LIMCH1: variants seen among roughly 807,000 people sequenced by gnomAD.
LIMCH1 encodes LIM and calponin homology domains 1.
LIMCH1 carries 113 observed loss-of-function variants against 176.5 expected under a neutral mutation model. That is an observed-to-expected ratio of 0.64 (90% CI 0.55 to 0.75). LIMCH1 has a LOEUF of 0.75. LIMCH1 is among the 30% of genes least tolerant of loss of function. The pLI, the probability that LIMCH1 is intolerant of heterozygous loss-of-function variation, is 0.00. For missense variants in LIMCH1, 1,674 were observed against 1,814.9 expected, an observed-to-expected ratio of 0.92 and a Z score of 1.41; for synonymous variants, 619 against 645.9, an observed-to-expected ratio of 0.96 and a Z score of 0.63.
At chr4:41,406,545 A>G (rs560608037) in intron 1 of LIMCH1, among the ~76,000 whole-genome samples, 1 of 152,282 alleles carries the variant, frequency 6.6e-6, no homozygotes, top group East Asian at 1.9e-4. Flanking sequence ...GATGATAGCT[A>G]TTATTAATTG....
At chr4:41,634,904 C>CT (rs1350877973) in intron 13 of LIMCH1, among the ~76,000 whole-genome samples, 2 of 152,226 alleles carry the variant, frequency 1.3e-5, no homozygotes, top group Non-Finnish European at 2.9e-5. Context: ...CAGTTACTCA[C>CT]TTTCCAGATG....
intron 1 of LIMCH1, among the ~76,000 whole-genome samples, chr4:41,597,608 T>C (rs930586982): frequency 2.0e-5 from 3 of 152,190 alleles, no homozygotes; most frequent in Non-Finnish European, 4.4e-5. Context: ...TATCTGAACA[T>C]CTTCCAAGCT....
At chr4:41,384,117 G>A (rs968103923) in intron 1 of LIMCH1, among the ~76,000 whole-genome samples, 2 of 152,174 alleles carry the variant, frequency 1.3e-5, no homozygotes, top group African/African-American at 4.8e-5. Context: ...CAGTAGAATG[G>A]TGGGGCAGAA....
chr4:41,650,469 C>T lies in LIMCH1; in HGVS notation c.2897C>T (p.Ala966Val). ...AAGGAAAGAGAGTGTCCCACGGTGG[C>T]ACCTGCCCACTCCTTAACCAAATCC... ...EEKERECPTV[A>V]PAHSLTKSQM... Residue 966 changes from alanine to valine, a missense_variant, in exon 18 of 32, where the codon GCA becomes GTA. This residue lies in a region of LIMCH1 where 1,015 missense variants were observed against 1,102.5 expected (regional missense o/e 0.92). Transcript: ENST00000503057. 1 of 1,614,060 alleles carries T rather than the reference C, an allele frequency of 6.2e-7. No homozygotes were observed. The highest frequency in any genetic ancestry group is 8.5e-7 in the Non-Finnish European group (1 of 1,179,972).
chr4:41,683,469 C>A (rs1257250213), intron 26 of LIMCH1, among the ~76,000 whole-genome samples: 1 of 152,174 alleles, frequency 6.6e-6, no homozygotes, highest in East Asian at 1.9e-4. Context: ...CCAACATGTT[C>A]TTCATGAGAA....
intron 1 of LIMCH1, among the ~76,000 whole-genome samples, chr4:41,449,106 C>T (rs1382374114): frequency 6.6e-6 from 1 of 152,016 alleles, no homozygotes; most frequent in Non-Finnish European, 1.5e-5. Context: ...CTTCAGTTAG[C>T]GTATACAGGC....
At chr4:41,365,175 G>A (rs1156846656) in intron 1 of LIMCH1, among the ~76,000 whole-genome samples, 2 of 152,204 alleles carry the variant, frequency 1.3e-5, no homozygotes, top group African/African-American at 2.4e-5. Context: ...GAAGTTCCTG[G>A]ACTCCTTTAC....
At chr4:41,547,863 G>GTATATA (rs573342962) in intron 1 of LIMCH1, among the ~76,000 whole-genome samples, 4,269 of 92,990 alleles carry the variant, frequency 0.046, 141 homozygotes, top group East Asian at 0.14. Context: ...TTGTGTGTGT[G>GTATATA]TATATATATA....
chr4:41,698,297 C>T lies in LIMCH1; in HGVS notation c.*1112C>T, dbSNP rs922474434. On this transcript the variant is annotated 3_prime_UTR_variant, in exon 32 of 32. Coordinates refer to ENST00000503057, the MANE Select transcript of LIMCH1 (RefSeq NM_001330672.2). ...TACAGCACAGATTATGCCCTGCCCA[C>T]TTCAATGAATACCTACTCTCCTCCA... 1 of 152,270 alleles carries T rather than the reference C, an allele frequency of 6.6e-6. No individual in the cohort carries two copies. Among genetic ancestry groups the T allele is most frequent in the South Asian group, 2.1e-4 (1 of 4,828 alleles). The allele number at this position is 152,270 out of a possible 1,614,324, so 9.4% of individuals were successfully genotyped here. A position where few individuals can be genotyped will look rare whatever the true frequency, so the allele number is the denominator to read the frequency against.
At position 41,620,571 on chromosome 4, in the gene LIMCH1, C is replaced by T. The variant is rs542886410; in HGVS notation, c.606C>T (p.Asp202=). 1.7e-5 allele frequency: 26 copies of T among 1,536,268 alleles called. No individual in the cohort carries two copies. Among genetic ancestry groups the T allele is most frequent in the South Asian group, 1.1e-4 (9 of 84,054 alleles). The change falls in exon 7 of 32, where the codon GAC becomes GAT. Residue 202 remains aspartate (D), a synonymous_variant. Transcript: ENST00000503057. ...GTGGTAAGGAGCACCCTTCTTCAGA[C>T]GGGGCTGTGGTGGCACCAGCTCCCA... ...DGSGKEHPSS[D]GAVVAPAPKS... is the part of the protein sequence containing the mutation.
chr4:41,524,533 G>A (rs1451669404), intron 3 of LIMCH1: 37 of 1,252,028 alleles, frequency 3.0e-5, no homozygotes, highest in Non-Finnish European at 4.0e-5. Context: ...CTAACCTAGG[G>A]GTCATGACAG....
intron 1 of LIMCH1, among the ~76,000 whole-genome samples, chr4:41,383,663 T>G (rs1015194865): frequency 3.3e-5 from 5 of 152,170 alleles, no homozygotes; most frequent in African/African-American, 1.2e-4. Flanking sequence ...TGGGCCCCAC[T>G]CCAAGCTTGT....
At chr4:41,689,770 T>C (rs563798946) in intron 30 of LIMCH1, 135 bp downstream of exon 30, 13 of 576,840 alleles carry the variant, frequency 2.3e-5, no homozygotes, top group African/African-American at 2.0e-4. Context: ...GTATAGACAT[T>C]CCTTCAGAAT....
At chr4:41,442,372 A>G (rs2062796811) in intron 1 of LIMCH1, among the ~76,000 whole-genome samples, 1 of 152,206 alleles carries the variant, frequency 6.6e-6, no homozygotes, top group Admixed American at 6.5e-5. Context: ...ACCATCAAAG[A>G]TGCATTTTAC....
At chr4:41,389,028 T>G (rs1485063650) in intron 1 of LIMCH1, 1 of 152,262 alleles carries the variant, frequency 6.6e-6, no homozygotes, top group Non-Finnish European at 1.5e-5. Context: ...TATAGTACTT[T>G]TGTGTTTTTT....
At chr4:41,385,189 C>A (rs2056323421) in intron 1 of LIMCH1, among the ~76,000 whole-genome samples, 1 of 152,194 alleles carries the variant, frequency 6.6e-6, no homozygotes, top group South Asian at 2.1e-4. Context: ...CTTCCTTCAT[C>A]TGTTAGTGAT....
rs141354068 is a variant in LIMCH1 at position 41,450,341 on chromosome 4, G to C, written c.97-44195G>C. ...TAGAAAGTTAGAATATTTGTAAAATGGGATCAGACCTGGAAGAATATGGGT... is the reference window on the plus strand; with the variant it reads ...TAGAAAGTTAGAATATTTGTAAAATCGGATCAGACCTGGAAGAATATGGGT... On this transcript the variant is annotated intron_variant, in intron 1 of 26. Transcript: ENST00000313860. Among the ~76,000 whole-genome samples, 750 of 152,224 alleles carry C rather than the reference G, an allele frequency of 4.9e-3. 9 individuals are homozygous for C. Among genetic ancestry groups the C allele is most frequent in the African/African-American group, 0.017 (701 of 41,528 alleles).
At position 41,697,340 on chromosome 4, in the gene LIMCH1, G is replaced by T; in HGVS notation, c.*155G>T. On this transcript the variant is annotated 3_prime_UTR_variant, in exon 32 of 32. Transcript: ENST00000503057. ...GTGGTATCTGTTCTTTCGTAGCACAGTGTTTATGTTTTTCCTGTTTATTGT... is the reference window on the plus strand; with the variant it reads ...GTGGTATCTGTTCTTTCGTAGCACATTGTTTATGTTTTTCCTGTTTATTGT... 2 of 572,934 alleles carry T rather than the reference G, an allele frequency of 3.5e-6. No homozygotes were observed. The highest frequency in any genetic ancestry group is 3.0e-5 in the East Asian group (1 of 33,192). The allele number at this position is 572,934 out of a possible 1,614,324, so 35.5% of individuals were successfully genotyped here. A position where few individuals can be genotyped will look rare whatever the true frequency, so the allele number is the denominator to read the frequency against.
At chr4:41,548,508 T>C (rs948606128) in intron 1 of LIMCH1, among the ~76,000 whole-genome samples, 6 of 152,202 alleles carry the variant, frequency 3.9e-5, no homozygotes, top group Non-Finnish European at 1.5e-5. Context: ...GCTGTTTTGT[T>C]TGATTAATGA....
Sources: gnomAD v4.1 joint callset for allele counts (sites outside exome capture counted in the v4.1 genomes callset) on GRCh38, gnomAD v4.1.1 for gene constraint, gnomAD v4.1.1 regional missense constraint, MANE v1.5 for transcripts, NCBI Gene and HGNC (gene_info 2026-07-23, HGNC 2026-07-21) for gene names.